The following FNDC3A variants were observed in gnomAD, a reference collection of about 807,000 sequenced individuals.
The protein encoded by FNDC3A is fibronectin type III domain containing 3A, also known as fibronectin type-III domain-containing protein 3A.
FNDC3A carries 32 observed loss-of-function variants against 148.9 expected under a neutral mutation model. The ratio of observed to expected loss-of-function variants is 0.21; its 90% CI spans 0.16 to 0.29. FNDC3A has a LOEUF of 0.29. Among genes scored for constraint, FNDC3A ranks in the 10% least tolerant of loss-of-function variants. The pLI, the probability that FNDC3A is intolerant of heterozygous loss-of-function variation, is 1.00. For missense variants in FNDC3A, 1,191 were observed against 1,452.8 expected (o/e 0.82, Z 2.93); for synonymous variants, 472 against 473.6 (o/e 1.00, Z 0.04).
At chr13:49,009,553 T>C (rs1288844565) in intron 2 of FNDC3A, among the ~76,000 whole-genome samples, 1 of 152,232 alleles carries the variant, frequency 6.6e-6, no homozygotes, top group Non-Finnish European at 1.5e-5. Context: ...TCTTCTAAGG[T>C]GGCTGTACCA....
chr13:49,102,228 T>A (rs1378102237), intron 3 of FNDC3A, among the ~76,000 whole-genome samples: 1 of 152,104 alleles, frequency 6.6e-6, no homozygotes, highest in Non-Finnish European at 1.5e-5. Context: ...GGCTTGTGTT[T>A]TGGTTTGGTT....
At chr13:49,119,468 A>G (rs1881190278) in intron 4 of FNDC3A, among the ~76,000 whole-genome samples, 1 of 152,146 alleles carries the variant, frequency 6.6e-6, no homozygotes, top group South Asian at 2.1e-4. Context: ...GCAAGTGAAC[A>G]AATCTGGACG....
In FNDC3A at chr13:49,209,509, A is replaced by G. The variant is rs1487874184; in HGVS notation, c.*2114A>G. The G allele has an allele frequency of 6.6e-6, 1 of 152,656 alleles. No homozygotes were observed. The highest frequency in any genetic ancestry group is 1.5e-5 in the Non-Finnish European group (1 of 68,030). 9.5% of individuals were successfully genotyped at this position (152,656 alleles called of 1,614,324 possible). A position where few individuals can be genotyped will look rare whatever the true frequency, so the allele number is the denominator to read the frequency against. ...GGCTGAATGAACTTCATACAAATGA[A>G]AAAAATCTCATAAAAATACATAAAC... On this transcript the variant is annotated 3_prime_UTR_variant, in exon 26 of 26. Coordinates refer to ENST00000492622, the MANE Select transcript of FNDC3A (RefSeq NM_001079673.2).
intron 25 of FNDC3A, among the ~76,000 whole-genome samples, chr13:49,204,845 A>G (rs2138144963): frequency 6.6e-6 from 1 of 152,254 alleles, no homozygotes; most frequent in African/African-American, 2.4e-5. Flanking sequence ...CAAAATTGAA[A>G]ACTTGATCCC....
chr13:49,208,035 A>T lies in FNDC3A; in HGVS notation c.*640A>T, dbSNP rs1466322345. The T allele has an allele frequency of 3.9e-5, 6 of 152,588 alleles. No homozygotes were observed. 9.5% of individuals were successfully genotyped at this position (152,588 alleles called of 1,614,324 possible). A position where few individuals can be genotyped will look rare whatever the true frequency, so the allele number is the denominator to read the frequency against. ...ATTCACAGATAAGTACTTAAAGAACAGACAGTTTACTTGGCCTAAAAATAT... is the reference window on the plus strand; with the variant it reads ...ATTCACAGATAAGTACTTAAAGAACTGACAGTTTACTTGGCCTAAAAATAT... On this transcript the variant is annotated 3_prime_UTR_variant, in exon 26 of 26. Coordinates refer to ENST00000492622, the MANE Select transcript of FNDC3A (RefSeq NM_001079673.2).
intron 3 of FNDC3A, among the ~76,000 whole-genome samples, chr13:49,094,928 A>G (rs1433101830): frequency 6.6e-6 from 1 of 152,116 alleles, no homozygotes; most frequent in Non-Finnish European, 1.5e-5. Context: ...CTTTTGTAAT[A>G]AGAAAAAACA....
chr13:49,027,408 A>C (rs965222384), intron 2 of FNDC3A, among the ~76,000 whole-genome samples: 3 of 152,250 alleles, frequency 2.0e-5, no homozygotes, highest in African/African-American at 7.2e-5. Flanking sequence ...GTAGATACGA[A>C]GAAATAAAGA....
At chr13:49,002,141 G>C (rs139851191) in intron 1 of FNDC3A, among the ~76,000 whole-genome samples, 1 of 152,250 alleles carries the variant, frequency 6.6e-6, no homozygotes, top group East Asian at 1.9e-4. Context: ...GGTTCCCCCA[G>C]TATCTTTTAT....
chr13:48,993,559 T>C (rs1021992889), intron 1 of FNDC3A, among the ~76,000 whole-genome samples: 2 of 152,218 alleles, frequency 1.3e-5, no homozygotes, highest in Non-Finnish European at 2.9e-5. Flanking sequence ...AAAAAATTTT[T>C]AATGAAGATG....
intron 2 of FNDC3A, among the ~76,000 whole-genome samples, chr13:49,008,121 A>G (rs1952258042): frequency 6.6e-6 from 1 of 152,196 alleles, no homozygotes; most frequent in Non-Finnish European, 1.5e-5. Context: ...AGCACTCAAT[A>G]AATATTTAAA....
intron 2 of FNDC3A, among the ~76,000 whole-genome samples, chr13:49,060,664 AAAAAAG>A (rs1876612382): frequency 6.6e-6 from 1 of 151,476 alleles, no homozygotes; most frequent in Non-Finnish European, 1.5e-5. Flanking sequence ...AAAAAAAAAA[AAAAAAG>A]TGCTGATGCA....
intron 2 of FNDC3A, among the ~76,000 whole-genome samples, chr13:49,028,305 C>G (rs552942401): frequency 6.6e-6 from 1 of 152,180 alleles, no homozygotes; most frequent in African/African-American, 2.4e-5. Flanking sequence ...TATCACCAGG[C>G]TGAAGTGCAG....
At chr13:49,142,018 A>C (rs1882717604) in intron 7 of FNDC3A, among the ~76,000 whole-genome samples, 1 of 152,238 alleles carries the variant, frequency 6.6e-6, no homozygotes, top group Non-Finnish European at 1.5e-5. Flanking sequence ...GAAGATAGTT[A>C]AGCCTATTTT....
chr13:49,141,864 AT>A (rs1369136157), intron 7 of FNDC3A, among the ~76,000 whole-genome samples: 1 of 152,074 alleles, frequency 6.6e-6, no homozygotes, highest in African/African-American at 2.4e-5. Flanking sequence ...AATCATACCT[AT>A]TTTCAGCTAC....
intron 1 of FNDC3A, among the ~76,000 whole-genome samples, chr13:48,982,702 C>G (rs1232867837): frequency 2.0e-5 from 3 of 152,162 alleles, no homozygotes; most frequent in Non-Finnish European, 4.4e-5. Flanking sequence ...AGTCCATACT[C>G]TGTTGATATC....
intron 1 of FNDC3A, among the ~76,000 whole-genome samples, chr13:49,000,940 T>C (rs7319984): frequency 0.087 from 13,119 of 151,086 alleles, 822 homozygotes; most frequent in Admixed American, 0.19. Flanking sequence ...AATTCACTTA[T>C]TAGTTCTAAC....
chr13:49,028,398 AC>A (rs1341768361), intron 2 of FNDC3A, among the ~76,000 whole-genome samples: 1 of 151,774 alleles, frequency 6.6e-6, no homozygotes, highest in Admixed American at 6.6e-5. Context: ...ATCCAGTTAC[AC>A]CCAGCTAATT....
chr13:49,168,694 A>G lies in FNDC3A; in HGVS notation c.1119A>G (p.Ile373Met), dbSNP rs779806522. 1 of 1,613,228 alleles carries G rather than the reference A, an allele frequency of 6.2e-7. No homozygotes were observed. The highest frequency in any genetic ancestry group is 1.1e-5 in the South Asian group (1 of 91,080). Residue 373 changes from isoleucine (I) to methionine (M), a missense_variant, in exon 10 of 26, where the codon ATA (isoleucine) becomes ATG (methionine). By Grantham distance (10) the Ile-to-Met change is conservative. This residue lies in a region of FNDC3A where 426 missense variants were observed against 473.2 expected (regional missense o/e 0.90). Coordinates refer to ENST00000492622, the MANE Select transcript of FNDC3A (RefSeq NM_001079673.2). The part of the protein sequence containing the change: ...IFTTLSCEPD[I>M]PNPPRIANRT... The stretch of plus-strand genomic sequence containing the variant: ...CCACCTTGAGCTGTGAACCTGATAT[A>G]CCTAATCCACCAAGGATAGCCAATC...
chr13:49,084,398 A>G (rs1878670999), intron 3 of FNDC3A, among the ~76,000 whole-genome samples: 2 of 152,238 alleles, frequency 1.3e-5, no homozygotes, highest in South Asian at 4.1e-4. Flanking sequence ...TTATATACCA[A>G]AAATATACTT....
Sources: allele counts gnomAD v4.1 joint callset (sites outside exome capture counted in the v4.1 genomes callset), GRCh38; gene constraint gnomAD v4.1.1; regional missense constraint gnomAD v4.1.1; transcripts MANE v1.5; gene names NCBI Gene and HGNC (gene_info 2026-07-23, HGNC 2026-07-21).